CTNND2: variants seen among roughly 807,000 people sequenced by gnomAD.
CTNND2 encodes the protein catenin delta-2.
A neutral mutation model predicts 144.4 loss-of-function variants in CTNND2; 22 were observed. The ratio of observed to expected loss-of-function variants is 0.15; its 90% CI spans 0.11 to 0.22. The LOEUF is 0.22. Among genes scored for constraint, CTNND2 ranks in the 10% least tolerant of loss-of-function variants. The pLI is 1.00. For missense variants in CTNND2, 1,353 were observed against 1,618.8 expected (o/e 0.84, Z 2.82); for synonymous variants, 751 against 695.6 (o/e 1.08, Z -1.25).
At chr5:11,325,308 A>G (rs1326798865) in intron 9 of CTNND2, among the ~76,000 whole-genome samples, 1 of 152,052 alleles carries the variant, frequency 6.6e-6, no homozygotes, top group Non-Finnish European at 1.5e-5. Context: ...ACATATATAT[A>G]TCCCTTTTTT....
chr5:11,826,408 T>C (rs905719354), intron 1 of CTNND2, among the ~76,000 whole-genome samples: 1 of 151,896 alleles, frequency 6.6e-6, no homozygotes. Context: ...AAAACTCAAT[T>C]AATCCAAAAG....
At chr5:11,082,987 A>G in intron 15 of CTNND2, 141 bp from the exon 16 acceptor site, 2 of 889,796 alleles carry the variant, frequency 2.2e-6, no homozygotes, top group South Asian at 2.0e-5. Context: ...TGGGTTGAAT[A>G]CGTTAGACAT....
chr5:11,431,275 G>A (rs1476224956), intron 3 of CTNND2, among the ~76,000 whole-genome samples: 3 of 152,132 alleles, frequency 2.0e-5, no homozygotes, highest in African/African-American at 7.2e-5. Flanking sequence ...AGTCCATAGA[G>A]GTCAGGAAAG....
At chr5:11,842,412 T>C (rs1481356535) in intron 1 of CTNND2, among the ~76,000 whole-genome samples, 1 of 152,086 alleles carries the variant, frequency 6.6e-6, no homozygotes, top group Non-Finnish European at 1.5e-5. Flanking sequence ...TAGCAACATA[T>C]ACTGGACAAA....
chr5:11,326,363 T>C (rs1752518059), intron 9 of CTNND2, among the ~76,000 whole-genome samples: 1 of 152,118 alleles, frequency 6.6e-6, no homozygotes, highest in Non-Finnish European at 1.5e-5. Context: ...GAGGCTGGCC[T>C]TTATTTGAGA....
intron 3 of CTNND2, among the ~76,000 whole-genome samples, chr5:11,469,780 A>G (rs1003899405): frequency 2.6e-5 from 4 of 151,972 alleles, no homozygotes; most frequent in Non-Finnish European, 5.9e-5. Flanking sequence ...CTCCATTTTC[A>G]TCTTGAAAGC....
chr5:11,399,837 C>T (rs1473140155), intron 5 of CTNND2, among the ~76,000 whole-genome samples: 2 of 152,348 alleles, frequency 1.3e-5, no homozygotes, highest in East Asian at 3.9e-4. Flanking sequence ...AAGGACAGAA[C>T]AGTCAAGACA....
At chr5:11,870,269 C>T (rs143514316) in intron 1 of CTNND2, among the ~76,000 whole-genome samples, 226 of 152,272 alleles carry the variant, frequency 1.5e-3, no homozygotes, top group Middle Eastern at 6.8e-3. Flanking sequence ...TGGAGTTCTG[C>T]AGGCGTCTAG....
intron 18 of CTNND2, among the ~76,000 whole-genome samples, chr5:10,994,028 T>C (rs919881976): frequency 3.3e-5 from 5 of 151,386 alleles, no homozygotes; most frequent in Admixed American, 3.3e-4. Flanking sequence ...GTCAGTAATA[T>C]TGGACATATT....
Position 11,894,360 on chromosome 5 carries a change from G to A in CTNND2, c.37+9457C>T, listed in dbSNP as rs182435337. ...CAATTTTGTATAACTTACAATATTT[G>A]AAGTGGTATGAAGAAACAACAAGAA... On this transcript the variant is annotated intron_variant, in intron 1 of 21. Coordinates refer to ENST00000304623, the MANE Select transcript of CTNND2 (RefSeq NM_001332.4). 6.7e-3 allele frequency among the ~76,000 whole-genome samples: 1,014 copies of A among 152,288 alleles called. 12 individuals are homozygous for A. The highest frequency in any genetic ancestry group is 0.023 in the African/African-American group (969 of 41,550).
chr5:11,098,925 C>T (rs1751614611), intron 14 of CTNND2, among the ~76,000 whole-genome samples, 177 bp from the exon 15 acceptor site: 1 of 152,156 alleles, frequency 6.6e-6, no homozygotes, highest in Non-Finnish European at 1.5e-5. Context: ...GGAAGCCATT[C>T]CTGCCCAGCG....
At chr5:11,314,284 GCT>G (rs1751285733) in intron 9 of CTNND2, among the ~76,000 whole-genome samples, 1 of 152,096 alleles carries the variant, frequency 6.6e-6, no homozygotes, top group African/African-American at 2.4e-5. Context: ...CTGGAAATGT[GCT>G]CTGTGTTATA....
intron 1 of CTNND2, among the ~76,000 whole-genome samples, chr5:11,869,031 A>G (rs1472774857): frequency 6.6e-6 from 1 of 152,228 alleles, no homozygotes; most frequent in African/African-American, 2.4e-5. Flanking sequence ...AGGGAAGCAC[A>G]AATCAAAATT....
At chr5:11,874,844 C>T (rs1430425330) in intron 1 of CTNND2, among the ~76,000 whole-genome samples, 2 of 152,152 alleles carry the variant, frequency 1.3e-5, no homozygotes, top group Admixed American at 1.3e-4. Flanking sequence ...CAATCCCTTA[C>T]CCAGATAGCC....
intron 3 of CTNND2, among the ~76,000 whole-genome samples, chr5:11,552,133 C>T (rs1025651840): frequency 1.3e-5 from 2 of 152,272 alleles, no homozygotes; most frequent in South Asian, 4.1e-4. Context: ...ATCCCTGAAG[C>T]ACAAGGATCA....
rs565176917 is a variant in CTNND2 at position 11,277,522 on chromosome 5, A to C, written c.1629-40699T>G. On this transcript the variant is annotated intron_variant, in intron 9 of 21. Transcript: ENST00000304623. ...AAAATATTTATTTATTTATTTATTT[A>C]TTTATTTATTTATTTATTTATTTAT... 3.8e-4 allele frequency among the ~76,000 whole-genome samples: 56 copies of C among 148,474 alleles called. 1 individual carries two copies. The South Asian group carries it at 0.012, about 31-fold the overall frequency.
intron 1 of CTNND2, among the ~76,000 whole-genome samples, chr5:11,857,599 G>A (rs974344524): frequency 6.6e-6 from 1 of 152,086 alleles, no homozygotes; most frequent in Non-Finnish European, 1.5e-5. Flanking sequence ...GACTCATAAG[G>A]GTTATCTATG....
intron 1 of CTNND2, among the ~76,000 whole-genome samples, chr5:11,876,957 A>G (rs1735614336): frequency 6.6e-6 from 1 of 152,270 alleles, no homozygotes; most frequent in Admixed American, 6.5e-5. Flanking sequence ...ATTTGTAAGT[A>G]AATATTATCT....
intron 1 of CTNND2, among the ~76,000 whole-genome samples, chr5:11,832,548 C>T (rs1002779099): frequency 2.0e-5 from 3 of 152,112 alleles, no homozygotes; most frequent in African/African-American, 7.2e-5. Context: ...GAAAATAGAA[C>T]ATAAAAAGAT....
Sources: gnomAD v4.1 joint callset for allele counts (sites outside exome capture counted in the v4.1 genomes callset) on GRCh38, gnomAD v4.1.1 for gene constraint, MANE v1.5 for transcripts, NCBI Gene and HGNC (gene_info 2026-07-23, HGNC 2026-07-21) for gene names.